SGCZ: variants seen among roughly 807,000 people sequenced by gnomAD.
SGCZ encodes the protein zeta-sarcoglycan.
SGCZ carries 40 observed loss-of-function variants against 41.3 expected under a neutral mutation model. The ratio of observed to expected loss-of-function variants is 0.97; its 90% CI spans 0.75 to 1.26. SGCZ has a LOEUF of 1.26. Among genes scored for constraint, SGCZ ranks in the 50% most tolerant of loss-of-function variants. The pLI is 0.00. For synonymous variants in SGCZ, 206 were observed against 137.5 expected, an observed-to-expected ratio of 1.50 and a Z score of -3.49; for missense variants, 552 against 369.8, an observed-to-expected ratio of 1.49 and a Z score of -4.04.
At chr8:15,087,925 T>C (rs1806008737) in intron 1 of SGCZ, among the ~76,000 whole-genome samples, 1 of 152,076 alleles carries the variant, frequency 6.6e-6, no homozygotes, top group Non-Finnish European at 1.5e-5. Context: ...GAGGCTTTAT[T>C]TTTCTGTATA....
intron 1 of SGCZ, among the ~76,000 whole-genome samples, chr8:14,972,879 T>A (rs1305308761): frequency 6.6e-6 from 1 of 152,206 alleles, no homozygotes; most frequent in Admixed American, 6.5e-5. Context: ...AACAACTATA[T>A]AGAAATTTGG....
In SGCZ at chr8:15,231,610, C is replaced by CTTTTTT. The variant is rs914572473; in HGVS notation, c.39+5969_39+5974dup. The stretch of plus-strand genomic sequence containing the variant: ...TAAAAACTTTGGATGTTAATATATT[C>CTTTTTT]TTTTTTTTTTTTTTTTTTTTTTTTT... On this transcript the variant is annotated intron_variant, in intron 1 of 7. Coordinates refer to ENST00000382080, the MANE Select transcript of SGCZ (RefSeq NM_139167.4). Among the ~76,000 whole-genome samples the CTTTTTT allele has an allele frequency of 1.1e-4, 8 of 72,102 alleles. 1 individual carries two copies. Among genetic ancestry groups the CTTTTTT allele is most frequent in the African/African-American group, 1.6e-4 (3 of 18,550 alleles). The allele number at this position is 72,102 out of a possible 152,430, so 47.3% of individuals were successfully genotyped here. A position where few individuals can be genotyped will look rare whatever the true frequency, so the allele number is the denominator to read the frequency against.
At chr8:14,190,378 T>A (rs977860591) in intron 4 of SGCZ, among the ~76,000 whole-genome samples, 2 of 151,852 alleles carry the variant, frequency 1.3e-5, no homozygotes, top group Non-Finnish European at 2.9e-5. Context: ...TGTGTGTGTG[T>A]GTGTATATAT....
At chr8:14,128,289 A>G (rs1228135685) in intron 5 of SGCZ, among the ~76,000 whole-genome samples, 1 of 152,180 alleles carries the variant, frequency 6.6e-6, no homozygotes, top group East Asian at 1.9e-4. Flanking sequence ...AAACCAACAA[A>G]CCATGTTGAA....
At chr8:14,231,165 G>GTGTGTGTGTA (rs1276045233) in intron 4 of SGCZ, among the ~76,000 whole-genome samples, 1 of 148,136 alleles carries the variant, frequency 6.8e-6, no homozygotes, top group Non-Finnish European at 1.5e-5. Flanking sequence ...GGGCAAGTGT[G>GTGTGTGTGTA]TGTGTGTGTG....
chr8:14,712,274 T>C lies in SGCZ; in HGVS notation c.40-157348A>G, dbSNP rs578181263. On this transcript the variant is annotated intron_variant, in intron 1 of 7. Transcript: ENST00000382080. ...CTCCTTCAGCTCCGTCCTGAAACCC[T>C]TGCAGGCTGGCGCTGCCTGGTTGAT... Among the ~76,000 whole-genome samples, 18 of 152,348 alleles carry C rather than the reference T, an allele frequency of 1.2e-4. No homozygotes were observed. The East Asian group carries it at 3.5e-3, about 29-fold the overall frequency.
intron 1 of SGCZ, among the ~76,000 whole-genome samples, chr8:14,771,872 A>C (rs998122931): frequency 6.6e-6 from 1 of 152,144 alleles, no homozygotes; most frequent in Non-Finnish European, 1.5e-5. Context: ...TGTAATTTGA[A>C]TCAATATATT....
chr8:14,518,894 CAAA>C (rs370947291), intron 2 of SGCZ, among the ~76,000 whole-genome samples: 2 of 128,242 alleles, frequency 1.6e-5, no homozygotes, highest in Non-Finnish European at 1.6e-5. Flanking sequence ...CCATCTCTAC[CAAA>C]AAAAAAAAAA....
At position 14,141,235 on chromosome 8, in the gene SGCZ, A is replaced by C. The variant is rs1243045365; in HGVS notation, c.547+23345T>G. ...ATAAAAACCCTAGAAGGAAACCTAT[A>C]CCATTCAGGACACAGGCATGGGCAA... On this transcript the variant is annotated intron_variant, in intron 5 of 7. Coordinates refer to ENST00000382080, the MANE Select transcript of SGCZ (RefSeq NM_139167.4). 3.3e-5 allele frequency among the ~76,000 whole-genome samples: 5 copies of C among 151,326 alleles called. No individual in the cohort carries two copies. The East Asian group carries it at 9.7e-4, about 29-fold the overall frequency.
At chr8:14,910,330 A>G (rs1400508183) in intron 1 of SGCZ, among the ~76,000 whole-genome samples, 1 of 152,076 alleles carries the variant, frequency 6.6e-6, no homozygotes, top group South Asian at 2.1e-4. Context: ...TTTATTAAAC[A>G]TCTCTCACAG....
intron 1 of SGCZ, among the ~76,000 whole-genome samples, chr8:14,805,822 A>G (rs1801503460): frequency 1.3e-5 from 2 of 151,828 alleles, no homozygotes; most frequent in African/African-American, 4.8e-5. Context: ...TTGACCACAT[A>G]GTTGGAAGTA....
chr8:14,724,059 G>T (rs1414515104), intron 1 of SGCZ, among the ~76,000 whole-genome samples: 2 of 152,112 alleles, frequency 1.3e-5, no homozygotes, highest in Admixed American at 1.3e-4. Context: ...TAAAGTCAAT[G>T]AAATCTCAAA....
At chr8:14,356,350 T>C (rs945284240) in intron 2 of SGCZ, among the ~76,000 whole-genome samples, 1 of 152,168 alleles carries the variant, frequency 6.6e-6, no homozygotes, top group African/African-American at 2.4e-5. Context: ...CTGGTGTTTA[T>C]CAATGGAGTG....
At chr8:15,072,107 G>C (rs915781694) in intron 1 of SGCZ, among the ~76,000 whole-genome samples, 2 of 151,964 alleles carry the variant, frequency 1.3e-5, no homozygotes, top group Non-Finnish European at 2.9e-5. Flanking sequence ...AACTGAACTG[G>C]CTGCAGGTGA....
At chr8:14,149,814 C>T (rs1803643599) in intron 5 of SGCZ, among the ~76,000 whole-genome samples, 1 of 151,974 alleles carries the variant, frequency 6.6e-6, no homozygotes, top group East Asian at 1.9e-4. Context: ...GCATGGTATT[C>T]TCATAAAAAC....
In SGCZ at chr8:14,909,258, G is replaced by A. The variant is rs575311065; in HGVS notation, c.39+328327C>T. Among the ~76,000 whole-genome samples, 235 of 152,272 alleles carry A rather than the reference G, an allele frequency of 1.5e-3. 2 individuals carry two copies. The highest frequency in any genetic ancestry group is 1.4e-3 in the Non-Finnish European group (95 of 68,014). On this transcript the variant is annotated intron_variant, in intron 1 of 7. Transcript: ENST00000382080. ...CCTGTCCTCAAATTATGACTTGTTA[G>A]ATTGTGAAGCTATCGAAAAATCCTC... is the stretch of plus-strand genomic sequence containing the variant.
At chr8:14,932,750 C>T (rs192283817) in intron 1 of SGCZ, among the ~76,000 whole-genome samples, 2 of 152,026 alleles carry the variant, frequency 1.3e-5, no homozygotes, top group African/African-American at 2.4e-5. Flanking sequence ...TCTAAACAAA[C>T]TTTCCACTCC....
intron 5 of SGCZ, among the ~76,000 whole-genome samples, chr8:14,125,503 CAAA>C (rs35509746): frequency 8.4e-6 from 1 of 118,450 alleles, no homozygotes; most frequent in Non-Finnish European, 1.8e-5. Context: ...GATTCCGTCT[CAAA>C]AAAAAAAAAA....
chr8:14,555,354 T>C (rs1048949653), intron 1 of SGCZ, among the ~76,000 whole-genome samples: 2 of 151,980 alleles, frequency 1.3e-5, no homozygotes, highest in Non-Finnish European at 2.9e-5. Context: ...GGTGATGAGA[T>C]CATGGCAGTG....
Sources: gnomAD v4.1 joint callset for allele counts (sites outside exome capture counted in the v4.1 genomes callset) on GRCh38, gnomAD v4.1.1 for gene constraint, MANE v1.5 for transcripts, NCBI Gene and HGNC (gene_info 2026-07-23, HGNC 2026-07-21) for gene names.